Variants in CAST observed in about 807,000 individuals in gnomAD.
CAST encodes calpastatin.
A neutral mutation model predicts 119.6 loss-of-function variants in CAST; 76 were observed. The ratio of observed to expected loss-of-function variants is 0.64; its 90% CI spans 0.53 to 0.77. The LOEUF is 0.77. Ranked by LOEUF, CAST falls within the 30% of genes least tolerant of loss-of-function variation. CAST has a pLI of 0.00. For missense variants in CAST, 953 were observed against 946.5 expected, an observed-to-expected ratio of 1.01 and a Z score of -0.09; for synonymous variants, 319 against 331.6, an observed-to-expected ratio of 0.96 and a Z score of 0.41.
At chr5:96,257,878 A>G in the CAST span, among the ~76,000 whole-genome samples, 1 of 152,350 alleles carries the variant, frequency 6.6e-6, no homozygotes, top group South Asian at 2.1e-4. Flanking sequence ...TGCCATCCAC[A>G]GTCGTGTACA....
At chr5:96,379,307 C>T in the CAST span, among the ~76,000 whole-genome samples, 1 of 152,096 alleles carries the variant, frequency 6.6e-6, no homozygotes, top group Non-Finnish European at 1.5e-5. Context: ...TAATTTTGGC[C>T]CTCATCTAGA....
At chr5:96,400,538 T>C in the CAST span, among the ~76,000 whole-genome samples, 2 of 152,256 alleles carry the variant, frequency 1.3e-5, no homozygotes, top group African/African-American at 4.8e-5. Flanking sequence ...ACTTTCTTTA[T>C]GCCCTCCAGT....
chr5:96,215,598 T>C, the CAST span: 1 of 152,066 alleles, frequency 6.6e-6, no homozygotes, highest in Non-Finnish European at 1.5e-5. Context: ...TTTTTTCTAA[T>C]AAAAGTTGCA....
At chr5:96,006,049 A>G in the CAST span, among the ~76,000 whole-genome samples, 1 of 152,212 alleles carries the variant, frequency 6.6e-6, no homozygotes, top group Non-Finnish European at 1.5e-5. Context: ...TCCCAAAAAT[A>G]CGATTTTTAA....
the CAST span, among the ~76,000 whole-genome samples, chr5:96,175,958 A>G: frequency 3.3e-4 from 50 of 152,320 alleles, no homozygotes; most frequent in Middle Eastern, 0.01. Flanking sequence ...CGCCTCTAGT[A>G]ATGTTATTTC....
chr5:96,105,577 G>T, the CAST span, among the ~76,000 whole-genome samples: 2 of 152,138 alleles, frequency 1.3e-5, no homozygotes, highest in Non-Finnish European at 2.9e-5. Context: ...GCATCCCAGG[G>T]ATGAAGCCCA....
the CAST span, among the ~76,000 whole-genome samples, chr5:96,167,659 A>G: frequency 6.6e-6 from 1 of 152,216 alleles, no homozygotes; most frequent in Non-Finnish European, 1.5e-5. Context: ...TTGGTCCATT[A>G]TCAGACTGTA....
chr5:96,399,912 C>T, the CAST span: 3 of 1,444,972 alleles, frequency 2.1e-6, no homozygotes, highest in Non-Finnish European at 2.9e-6. Context: ...TGAAATTATG[C>T]CATGGGCACA....
chr5:96,083,822 C>A, the CAST span, among the ~76,000 whole-genome samples: 366 of 152,270 alleles, frequency 2.4e-3, 3 homozygotes, highest in South Asian at 0.015. Context: ...CCTTTAATTG[C>A]CCACGCAATA....
the CAST span, chr5:96,079,336 T>A: frequency 3.3e-6 from 1 of 301,544 alleles, no homozygotes; most frequent in Non-Finnish European, 6.8e-6. Context: ...CAGGAATGAT[T>A]CAATATCCTG....
chr5:96,114,781 T>C, the CAST span, among the ~76,000 whole-genome samples: 1 of 152,222 alleles, frequency 6.6e-6, no homozygotes, highest in African/African-American at 2.4e-5. Flanking sequence ...CCCTAAGACC[T>C]CATCTTTCTA....
At chr5:96,210,397 A>G in the CAST span, among the ~76,000 whole-genome samples, 1 of 151,812 alleles carries the variant, frequency 6.6e-6, no homozygotes, top group African/African-American at 2.4e-5. Flanking sequence ...ATATTTATTT[A>G]TTTTCCCGTA....
chr5:96,339,295 A>G, the CAST span, among the ~76,000 whole-genome samples: 378 of 152,302 alleles, frequency 2.5e-3, 4 homozygotes, highest in South Asian at 0.034. Context: ...TGGTGCATCT[A>G]TAAAAATAGA....
At chr5:95,968,767 C>T in the CAST span, among the ~76,000 whole-genome samples, 1 of 152,082 alleles carries the variant, frequency 6.6e-6, no homozygotes, top group African/African-American at 2.4e-5. Flanking sequence ...CTGTTATGGC[C>T]TCCAATATTG....
the CAST span, among the ~76,000 whole-genome samples, chr5:96,288,292 A>C: frequency 2.6e-5 from 4 of 152,184 alleles, no homozygotes; most frequent in African/African-American, 9.7e-5. Context: ...GTACTGTTGA[A>C]TGTGAAGTTT....
At chr5:96,673,647 A>C (rs35177097) in intron 1 of CAST, among the ~76,000 whole-genome samples, 596 of 152,344 alleles carry the variant, frequency 3.9e-3, no homozygotes, top group Non-Finnish European at 6.5e-3. Flanking sequence ...AGACCACCTC[A>C]TGCTAATGGC....
At chr5:96,614,446 C>T (rs1267391658) in intron 1 of CAST, among the ~76,000 whole-genome samples, 1 of 152,152 alleles carries the variant, frequency 6.6e-6, no homozygotes, top group Non-Finnish European at 1.5e-5. Context: ...TGGCAGGAGG[C>T]TTATAAATGA....
the CAST span, among the ~76,000 whole-genome samples, chr5:96,157,932 C>T: frequency 6.6e-6 from 1 of 152,156 alleles, no homozygotes; most frequent in Non-Finnish European, 1.5e-5. Flanking sequence ...AGATTTTGAT[C>T]AAGGAAGTCT....
chr5:96,424,997 G>GAGAA, the CAST span, among the ~76,000 whole-genome samples: 1 of 100,186 alleles, frequency 1.0e-5, no homozygotes, highest in African/African-American at 4.6e-5. Context: ...AAGAAAGAAA[G>GAGAA]AGAAAGAAAG....
Sources: allele counts gnomAD v4.1 joint callset (sites outside exome capture counted in the v4.1 genomes callset), GRCh38; gene constraint gnomAD v4.1.1; transcripts MANE v1.5; gene names NCBI Gene and HGNC (gene_info 2026-07-23, HGNC 2026-07-21).